Variants in XIRP2 observed in about 807,000 individuals in gnomAD.
XIRP2 encodes the protein xin actin-binding repeat-containing protein 2.
In XIRP2, 236 loss-of-function variants were observed where a neutral mutation model predicts 277.0. The observed-to-expected ratio is 0.85, with a 90% confidence interval of 0.77 to 0.95. The LOEUF is 0.95. XIRP2 is among the 40% of genes least tolerant of loss of function. XIRP2 has a pLI of 0.00. For missense variants in XIRP2, 4,640 were observed against 4,157.5 expected, an observed-to-expected ratio of 1.12 and a Z score of -3.19; for synonymous variants, 1,490 against 1,416.5, an observed-to-expected ratio of 1.05 and a Z score of -1.17.
chr2:167,079,875 G>C (rs150482320), intron 2 of XIRP2, among the ~76,000 whole-genome samples: 4 of 151,914 alleles, frequency 2.6e-5, no homozygotes, highest in African/African-American at 4.8e-5. Flanking sequence ...TCTTCTGCTA[G>C]CTTTGGGATT....
chr2:167,121,347 C>G (rs1691051997), intron 2 of XIRP2, among the ~76,000 whole-genome samples: 1 of 151,960 alleles, frequency 6.6e-6, no homozygotes, highest in African/African-American at 2.4e-5. Context: ...ATCATTCATG[C>G]CACTCTAGAG....
At chr2:167,031,389 G>C (rs1688342649) in intron 2 of XIRP2, among the ~76,000 whole-genome samples, 2 of 152,030 alleles carry the variant, frequency 1.3e-5, no homozygotes, top group South Asian at 2.1e-4. Flanking sequence ...GGCAGGCCTA[G>C]TTGTGACAAA....
chr2:166,911,488 T>A (rs189417922), intron 2 of XIRP2, among the ~76,000 whole-genome samples: 223 of 152,322 alleles, frequency 1.5e-3, no homozygotes, highest in African/African-American at 4.9e-3. Context: ...CCCTTTATTT[T>A]GAGCCTATGT....
intron 2 of XIRP2, among the ~76,000 whole-genome samples, chr2:166,979,273 G>C (rs554354942): frequency 1.7e-4 from 26 of 151,704 alleles, no homozygotes; most frequent in Non-Finnish European, 3.4e-4. Flanking sequence ...CCGTGTGTCT[G>C]TCTTCCCAAT....
chr2:167,206,241 C>G (rs1693848515), intron 3 of XIRP2, among the ~76,000 whole-genome samples: 1 of 152,090 alleles, frequency 6.6e-6, no homozygotes, highest in African/African-American at 2.4e-5. Flanking sequence ...TCAATCTATG[C>G]CCAAATTTCA....
chr2:166,895,583 G>A (rs763996142), intron 1 of XIRP2, among the ~76,000 whole-genome samples: 17 of 145,858 alleles, frequency 1.2e-4, no homozygotes, highest in Non-Finnish European at 2.0e-4. Flanking sequence ...TGTTGGCAAC[G>A]TTTGCAGCAG....
rs1471416641 is a variant in XIRP2 at position 167,248,757 on chromosome 2, T to TA, written c.7369dup (p.Ile2457AsnfsTer17). The TA allele has an allele frequency of 6.2e-7, 1 of 1,613,706 alleles. No homozygotes were observed. The highest frequency in any genetic ancestry group is 8.5e-7 in the Non-Finnish European group (1 of 1,179,766). ...CAACCTCCCTGTCAGATATGGAATG[T>TA]AAAATTACTACCTCAAAGGATCAGA... On this transcript the variant is annotated frameshift_variant, in exon 9 of 11. Coordinates refer to ENST00000409195, the MANE Select transcript of XIRP2 (RefSeq NM_152381.6). LOFTEE classifies it high-confidence loss of function.
intron 2 of XIRP2, among the ~76,000 whole-genome samples, chr2:166,998,431 A>G (rs548992353): frequency 6.6e-6 from 1 of 152,118 alleles, no homozygotes; most frequent in African/African-American, 2.4e-5. Context: ...AGGTCAGGAG[A>G]TCGAGACCAT....
At chr2:167,136,231 C>T (rs1691547203) in intron 3 of XIRP2, among the ~76,000 whole-genome samples, 169 bp downstream of exon 3, 1 of 152,050 alleles carries the variant, frequency 6.6e-6, no homozygotes, top group Admixed American at 6.6e-5. Context: ...ATAAATGCTT[C>T]TATCCTTATT....
chr2:167,246,390 GT>G lies in XIRP2; in HGVS notation c.5000del (p.Phe1667SerfsTer7). On this transcript the variant is annotated frameshift_variant, in exon 9 of 11. Coordinates refer to ENST00000409195, the MANE Select transcript of XIRP2 (RefSeq NM_152381.6). LOFTEE classifies it high-confidence loss of function. ...GDVQQAIKNL[F>X]SEERSVKKGI... ...ATGTACAACAAGCAATAAAAAACCT[GT>G]TCTCTGAGGAAAGATCTGTAAAGAA... 3 of 1,613,436 alleles carry G rather than the reference GT, an allele frequency of 1.9e-6. No individual in the cohort carries two copies. Among genetic ancestry groups the G allele is most frequent in the Non-Finnish European group, 2.5e-6 (3 of 1,179,688 alleles).
At chr2:167,003,240 T>C (rs1237804362) in intron 2 of XIRP2, among the ~76,000 whole-genome samples, 1 of 151,448 alleles carries the variant, frequency 6.6e-6, no homozygotes, top group East Asian at 1.9e-4. Flanking sequence ...AAAAAAAAGA[T>C]AAAAAATGAG....
chr2:167,002,683 C>T (rs566634776), intron 2 of XIRP2, among the ~76,000 whole-genome samples: 1 of 151,768 alleles, frequency 6.6e-6, no homozygotes, highest in Non-Finnish European at 1.5e-5. Flanking sequence ...CTTATCTCAC[C>T]TTATAGAAGT....
chr2:167,215,540 A>C (rs1257698550), intron 4 of XIRP2, among the ~76,000 whole-genome samples: 1 of 152,126 alleles, frequency 6.6e-6, no homozygotes, highest in Non-Finnish European at 1.5e-5. Flanking sequence ...TTGAAAGACT[A>C]CTTATTTGGT....
At chr2:167,136,919 G>T (rs111731950) in intron 3 of XIRP2, among the ~76,000 whole-genome samples, 45 of 152,320 alleles carry the variant, frequency 3.0e-4, no homozygotes, top group African/African-American at 1.0e-3. Context: ...ATGGTACTCT[G>T]CTTTAAAACT....
At chr2:167,030,465 T>G (rs1392945645) in intron 2 of XIRP2, among the ~76,000 whole-genome samples, 1 of 152,176 alleles carries the variant, frequency 6.6e-6, no homozygotes, top group Non-Finnish European at 1.5e-5. Flanking sequence ...CTTAATTTTG[T>G]TATGTACCCA....
intron 6 of XIRP2, among the ~76,000 whole-genome samples, chr2:167,240,400 G>C (rs1695028247): frequency 6.6e-6 from 1 of 152,136 alleles, no homozygotes; most frequent in South Asian, 2.1e-4. Flanking sequence ...GGGTGACAGT[G>C]CAAGACTCCT....
At chr2:167,038,747 G>A (rs911851926) in intron 2 of XIRP2, among the ~76,000 whole-genome samples, 9 of 151,760 alleles carry the variant, frequency 5.9e-5, no homozygotes, top group Non-Finnish European at 1.2e-4. Context: ...ACTGTTAGTG[G>A]CATGATCCTC....
intron 2 of XIRP2, 111 bp downstream of exon 2, chr2:166,904,001 C>T: frequency 7.8e-7 from 1 of 1,281,340 alleles, no homozygotes; most frequent in Non-Finnish European, 1.1e-6. Flanking sequence ...AGACAGATGT[C>T]CTGAAGCCGA....
rs554096076 is a variant in XIRP2 at position 166,936,439 on chromosome 2, G to A, written c.408+32549G>A. On this transcript the variant is annotated intron_variant, in intron 2 of 10. Coordinates refer to ENST00000409195, the MANE Select transcript of XIRP2 (RefSeq NM_152381.6). Reference sequence around the variant, plus strand: ...TAATTAGATCCCATTTGTCAATTTTGGCTTTTGTTGCTACTGCTTTTGGTG... The same window carrying A: ...TAATTAGATCCCATTTGTCAATTTTAGCTTTTGTTGCTACTGCTTTTGGTG... 2.0e-5 allele frequency among the ~76,000 whole-genome samples: 3 copies of A among 152,254 alleles called. No individual in the cohort carries two copies. The South Asian group carries it at 6.2e-4, about 32-fold the overall frequency.
Sources: allele counts gnomAD v4.1 joint callset (sites outside exome capture counted in the v4.1 genomes callset), GRCh38; gene constraint gnomAD v4.1.1; transcripts MANE v1.5; gene names NCBI Gene and HGNC (gene_info 2026-07-23, HGNC 2026-07-21).